Variants in RIPOR2 observed in about 807,000 individuals in gnomAD.
RIPOR2 encodes RHO family interacting cell polarization regulator 2, also known as rho family-interacting cell polarization regulator 2.
In RIPOR2, 39 loss-of-function variants were observed where a neutral mutation model predicts 114.5. The ratio of observed to expected loss-of-function variants is 0.34; its 90% CI spans 0.26 to 0.44. The LOEUF (loss-of-function observed/expected upper bound fraction) is 0.44, where lower values mean the gene tolerates loss of function less well. RIPOR2 is among the 20% of genes least tolerant of loss of function. The probability of loss-of-function intolerance (pLI) is 1.00; values close to 1 mark genes in which losing one functional copy is unlikely to be tolerated. For missense variants in RIPOR2, 1,007 were observed against 1,255.1 expected, an observed-to-expected ratio of 0.80 and a Z score of 2.99; for synonymous variants, 445 against 484.4, an observed-to-expected ratio of 0.92 and a Z score of 1.07.
chr6:24,885,654 A>G (rs1326931741), intron 1 of RIPOR2, among the ~76,000 whole-genome samples: 1 of 152,260 alleles, frequency 6.6e-6, no homozygotes, highest in Non-Finnish European at 1.5e-5. Flanking sequence ...ACTTTTGCAC[A>G]TTATTTAACT....
chr6:24,935,023 C>T (rs1170619101), intron 1 of RIPOR2, among the ~76,000 whole-genome samples: 1 of 151,990 alleles, frequency 6.6e-6, no homozygotes, highest in African/African-American at 2.4e-5. Context: ...AGAGAAGGAC[C>T]CAGGCCGGGC....
chr6:24,921,310 G>A (rs531797227), intron 1 of RIPOR2, among the ~76,000 whole-genome samples: 73 of 151,424 alleles, frequency 4.8e-4, no homozygotes, highest in African/African-American at 1.6e-3. Context: ...CTATAGGCAC[G>A]TGCCACCACA....
chr6:24,914,500 G>A (rs1027636641), intron 1 of RIPOR2, among the ~76,000 whole-genome samples: 4 of 152,348 alleles, frequency 2.6e-5, no homozygotes, highest in Middle Eastern at 3.4e-3. Flanking sequence ...GATGAGGACA[G>A]TTGTAAATAA....
At chr6:24,916,211 C>T (rs776844837) in intron 1 of RIPOR2, among the ~76,000 whole-genome samples, 2 of 152,178 alleles carry the variant, frequency 1.3e-5, no homozygotes, top group East Asian at 3.9e-4. Flanking sequence ...TTCCTCCTAC[C>T]TTTAATATTT....
chr6:24,957,240 A>C (rs1232278724), intron 1 of RIPOR2, among the ~76,000 whole-genome samples: 1 of 152,164 alleles, frequency 6.6e-6, no homozygotes, highest in African/African-American at 2.4e-5. Flanking sequence ...TTTAAGAAAC[A>C]CTTAAGTTGT....
chr6:25,023,689 G>A, intron 1 of RIPOR2: 1 of 764,056 alleles, frequency 1.3e-6, no homozygotes. Flanking sequence ...GGTTCTCCAC[G>A]ATGTCAGTAC....
At chr6:24,828,792 GGAAA>G (rs548584380) in intron 17 of RIPOR2, among the ~76,000 whole-genome samples, 6 of 151,508 alleles carry the variant, frequency 4.0e-5, no homozygotes, top group Non-Finnish European at 8.8e-5. Context: ...AAGGAAGGAA[GGAAA>G]GAAGGAAGGA....
intron 1 of RIPOR2, among the ~76,000 whole-genome samples, chr6:24,968,814 T>G (rs62401081): frequency 1.3e-5 from 2 of 152,092 alleles, no homozygotes; most frequent in African/African-American, 4.8e-5. Flanking sequence ...TGTCCTACAA[T>G]GCACAGTACA....
In RIPOR2 at chr6:24,830,577, A is replaced by T; in HGVS notation, c.2438T>A (p.Val813Glu). 1 of 1,550,960 alleles carries T rather than the reference A, an allele frequency of 6.4e-7. No homozygotes were observed. Among genetic ancestry groups the T allele is most frequent in the Non-Finnish European group, 8.7e-7 (1 of 1,146,860 alleles). ...VGVYHSPADR[V>E]MKQLEASFAR... ...AAAGCTGGCCTCCAGCTGCTTCATC[A>T]CTCTGTCCGCTGGGCTGTGGTAGAC... The change falls in exon 17 of 22, where the codon GTG (valine) becomes GAG (glutamate). Residue 813 changes from valine (V) to glutamate (E), a missense_variant. Coordinates refer to ENST00000643898, the MANE Select transcript of RIPOR2 (RefSeq NM_001286445.3).
upstream of RIPOR2, among the ~76,000 whole-genome samples, chr6:24,937,393 C>T (rs117368957): frequency 2.4e-4 from 36 of 152,260 alleles, no homozygotes; most frequent in East Asian, 6.8e-3. Flanking sequence ...GCTCCAAATA[C>T]CAATAATGCC....
intron 1 of RIPOR2, among the ~76,000 whole-genome samples, chr6:24,908,854 T>C (rs546587732): frequency 7.2e-4 from 110 of 152,322 alleles, no homozygotes; most frequent in Non-Finnish European, 1.4e-3. Context: ...TCTGGAATTG[T>C]GTTTGTGTAA....
chr6:24,997,455 T>C lies in RIPOR2; in HGVS notation c.76+44396A>G, dbSNP rs1429293560. Among the ~76,000 whole-genome samples the C allele has an allele frequency of 1.3e-5, 2 of 152,276 alleles. 1 individual carries two copies. Among genetic ancestry groups the C allele is most frequent in the African/African-American group, 4.8e-5 (2 of 41,558 alleles). On this transcript the variant is annotated intron_variant, in intron 1 of 13. Transcript: ENST00000510784. ...CAGTCCTTACAGCCTCCATGAGCAATAGCAAATGGTGATGGTATCTAAATT... is the reference window on the plus strand; with the variant it reads ...CAGTCCTTACAGCCTCCATGAGCAACAGCAAATGGTGATGGTATCTAAATT...
chr6:25,031,293 T>C (rs1017240513), intron 1 of RIPOR2: 2 of 152,122 alleles, frequency 1.3e-5, no homozygotes, highest in African/African-American at 4.8e-5. Context: ...TTATGAGATA[T>C]TCTGGAAAAG....
chr6:24,914,816 C>T (rs1383630799), intron 1 of RIPOR2, among the ~76,000 whole-genome samples: 1 of 152,224 alleles, frequency 6.6e-6, no homozygotes, highest in African/African-American at 2.4e-5. Flanking sequence ...TGACTTACAG[C>T]TTCACATATG....
At chr6:24,953,810 G>A (rs934245304) in intron 1 of RIPOR2, among the ~76,000 whole-genome samples, 2 of 152,198 alleles carry the variant, frequency 1.3e-5, no homozygotes, top group Non-Finnish European at 2.9e-5. Context: ...ACATCTGCAT[G>A]ACTGTCTCCT....
intron 1 of RIPOR2, among the ~76,000 whole-genome samples, chr6:25,000,578 T>C (rs1268054367): frequency 2.0e-5 from 3 of 152,218 alleles, no homozygotes; most frequent in Non-Finnish European, 4.4e-5. Flanking sequence ...TAATTAACAA[T>C]GTTAGGCTAC....
At chr6:25,006,381 G>C (rs2113665199) in intron 1 of RIPOR2, among the ~76,000 whole-genome samples, 1 of 152,208 alleles carries the variant, frequency 6.6e-6, no homozygotes, top group East Asian at 1.9e-4. Context: ...AGTCTACAGG[G>C]GAAGATAGAT....
At chr6:25,012,744 G>A (rs1775823949) in intron 1 of RIPOR2, among the ~76,000 whole-genome samples, 2 of 152,166 alleles carry the variant, frequency 1.3e-5, no homozygotes, top group South Asian at 2.1e-4. Flanking sequence ...ATTGGAATGA[G>A]GAGTGCCTGC....
intron 1 of RIPOR2, among the ~76,000 whole-genome samples, chr6:25,028,111 C>T (rs145586908): frequency 2.6e-5 from 4 of 152,322 alleles, no homozygotes; most frequent in Admixed American, 6.5e-5. Flanking sequence ...TTTGAACATT[C>T]GGTTAATTTT....
Sources: gnomAD v4.1 joint callset for allele counts (sites outside exome capture counted in the v4.1 genomes callset) on GRCh38, gnomAD v4.1.1 for gene constraint, MANE v1.5 for transcripts, NCBI Gene and HGNC (gene_info 2026-07-23, HGNC 2026-07-21) for gene names.